Variants in LAT2 observed in about 807,000 individuals in gnomAD.
LAT2 encodes linker for activation of T cells family member 2, also known as linker for activation of T-cells family member 2.
A neutral mutation model predicts 43.4 loss-of-function variants in LAT2; 23 were observed. That is an observed-to-expected ratio of 0.53 (90% confidence interval 0.38 to 0.75). The LOEUF (loss-of-function observed/expected upper bound fraction) is 0.75. LAT2 is among the 30% of genes least tolerant of loss of function. The pLI, the probability that LAT2 is intolerant of heterozygous loss-of-function variation, is 0.00. For missense variants in LAT2, 284 were observed against 310.2 expected (o/e 0.92, Z 0.64); for synonymous variants, 128 against 123.2 (o/e 1.04, Z -0.26).
At chr7:74,224,811 C>A in intron 13 of LAT2, 51 bp downstream of exon 13, 1 of 1,312,030 alleles carries the variant, frequency 7.6e-7, no homozygotes, top group Non-Finnish European at 1.0e-6. Flanking sequence ...GAGGTCTTGC[C>A]AAGCTGCAGG....
Position 74,219,449 on chromosome 7 carries a change from C to T in LAT2, c.135-295C>T, listed in dbSNP as rs558274938. 1.1e-4 allele frequency among the ~76,000 whole-genome samples: 16 copies of T among 152,310 alleles called. No individual in the cohort carries two copies. The East Asian group carries it at 2.5e-3, about 24-fold the overall frequency. Reference sequence around the variant, plus strand: ...CCGTCTCCAGGGGCCTGGGACCCACCGGCAGGATGTGGCCCTGTTGAGGCC... The same window carrying T: ...CCGTCTCCAGGGGCCTGGGACCCACTGGCAGGATGTGGCCCTGTTGAGGCC... On this transcript the variant is annotated intron_variant, in intron 4 of 13. Coordinates refer to ENST00000460943, the MANE Select transcript of LAT2 (RefSeq NM_032464.3).
intron 13 of LAT2, 167 bp downstream of exon 13, chr7:74,224,927 CCT>C: frequency 1.8e-6 from 1 of 543,594 alleles, no homozygotes; most frequent in East Asian, 3.3e-5. Flanking sequence ...CGACTCTGTT[CCT>C]CTGTTCTGGC....
At position 74,220,826 on chromosome 7, in the gene LAT2, G is replaced by C; in HGVS notation, c.332+92G>C. 8.7e-6 allele frequency: 10 copies of C among 1,150,982 alleles called. No individual in the cohort carries two copies. The highest frequency in any genetic ancestry group is 3.4e-5 in the African/African-American group (2 of 59,478). 71.3% of individuals were successfully genotyped at this position (1,150,982 alleles called of 1,614,324 possible). A position where few individuals can be genotyped will look rare whatever the true frequency, so the allele number is the denominator to read the frequency against. ...ACCTCTCCCCCTGCCCCACCTGCCT[G>C]CCACAGCCCTGGGCTTCCTGGTCCA... On this transcript the variant is annotated intron_variant, in intron 9 of 13. Coordinates refer to ENST00000460943, the MANE Select transcript of LAT2 (RefSeq NM_032464.3). This position sits in a 1 kb window ranked among gnomAD's most constrained non-coding sequence, Gnocchi z 4.5.
intron 10 of LAT2, 23 bp from the exon 11 acceptor site, chr7:74,223,700 TG>T (rs782265074): frequency 1.2e-6 from 2 of 1,611,732 alleles, no homozygotes; most frequent in Admixed American, 1.7e-5. Context: ...CACACCCCCG[TG>T]CCCACTCCTC....
At chr7:74,212,279 A>T (rs1554713261) in intron 1 of LAT2, among the ~76,000 whole-genome samples, 1 of 150,932 alleles carries the variant, frequency 6.6e-6, no homozygotes, top group Non-Finnish European at 1.5e-5. Flanking sequence ...TTAATTTATT[A>T]TTATTATTAT....
At chr7:74,218,789 T>C (rs1554714566) in intron 4 of LAT2, among the ~76,000 whole-genome samples, 1 of 152,198 alleles carries the variant, frequency 6.6e-6, no homozygotes, top group African/African-American at 2.4e-5. Context: ...CTCTGCCTCC[T>C]GGCTTCAAGC....
chr7:74,213,922 C>A (rs1342430798), intron 1 of LAT2, among the ~76,000 whole-genome samples: 3 of 150,660 alleles, frequency 2.0e-5, no homozygotes, highest in East Asian at 3.9e-4. Flanking sequence ...TCAACTCTGT[C>A]CCCAGCCATC....
chr7:74,223,900 C>T (rs1320014598), intron 11 of LAT2, 117 bp downstream of exon 11: 7 of 1,473,926 alleles, frequency 4.7e-6, no homozygotes, highest in East Asian at 4.5e-5. Flanking sequence ...TGAAGGCTCT[C>T]GGATCCCCAG....
intron 1 of LAT2, among the ~76,000 whole-genome samples, chr7:74,214,141 AATAT>A (rs371105339): frequency 1.9e-5 from 1 of 52,192 alleles, no homozygotes; most frequent in Non-Finnish European, 3.4e-5. Context: ...TATATATGAA[AATAT>A]ATATAAATAT....
intron 1 of LAT2, among the ~76,000 whole-genome samples, chr7:74,212,834 G>A (rs1801775553): frequency 1.3e-5 from 2 of 152,210 alleles, no homozygotes; most frequent in Admixed American, 6.5e-5. Context: ...CTCCCGGGGT[G>A]ACGTGGGTCG....
chr7:74,211,974 T>C (rs1801750854), intron 1 of LAT2, among the ~76,000 whole-genome samples: 1 of 152,074 alleles, frequency 6.6e-6, no homozygotes, highest in South Asian at 2.1e-4. Flanking sequence ...GATGGGGTCT[T>C]GCTCTGTCAC....
In LAT2 at chr7:74,214,927, C is replaced by T. The variant is rs1380040284; in HGVS notation, c.-113C>T. 2 of 150,466 alleles carry T rather than the reference C, an allele frequency of 1.3e-5. No individual in the cohort carries two copies. Among genetic ancestry groups the T allele is most frequent in the African/African-American group, 2.4e-5 (1 of 40,836 alleles). The allele number at this position is 150,466 out of a possible 1,614,324, so 9.3% of individuals were successfully genotyped here. On this transcript the variant is annotated 5_prime_UTR_variant, in exon 2 of 14. Transcript: ENST00000460943. ...TGCTGGGATTATAGGCGTGAGCCAC[C>T]GCTCCTGGCCAGGGTCTGTTCCTAG...
Position 74,214,525 on chromosome 7 carries a change from AATATATATATGAATATATATAT to A in LAT2, c.-218-288_-218-267del, listed in dbSNP as rs1801921515. The stretch of plus-strand genomic sequence containing the variant: ...ATATATATATATGAAAATATATATA[AATATATATATGAATATATATAT>A]ATATATATGAAAATATATATATATG... On this transcript the variant is annotated intron_variant, in intron 1 of 13. Coordinates refer to ENST00000460943, the MANE Select transcript of LAT2 (RefSeq NM_032464.3). Among the ~76,000 whole-genome samples, 2 of 11,278 alleles carry A rather than the reference AATATATATATGAATATATATAT, an allele frequency of 1.8e-4. 1 individual carries two copies. The highest frequency in any genetic ancestry group is 1.0e-3 in the African/African-American group (2 of 1,962). 7.4% of individuals were successfully genotyped at this position (11,278 alleles called of 152,430 possible).
intron 1 of LAT2, among the ~76,000 whole-genome samples, chr7:74,210,991 C>T (rs979631902): frequency 3.9e-5 from 6 of 151,964 alleles, no homozygotes; most frequent in African/African-American, 7.3e-5. Context: ...GGGATTCAGA[C>T]ACTGTAGCTC....
chr7:74,212,717 G>A (rs1306376587), intron 1 of LAT2, among the ~76,000 whole-genome samples: 1 of 152,230 alleles, frequency 6.6e-6, no homozygotes, highest in East Asian at 1.9e-4. Context: ...GGGGTTGGGG[G>A]TACACCCCGG....
chr7:74,228,087 A>G (rs1334480798), intron 13 of LAT2, among the ~76,000 whole-genome samples: 1 of 146,750 alleles, frequency 6.8e-6, no homozygotes, highest in Non-Finnish European at 1.5e-5. Context: ...GAGGCACGAG[A>G]ATCACTTGAA....
chr7:74,217,367 G>A (rs1476975621), intron 4 of LAT2, among the ~76,000 whole-genome samples: 2 of 151,990 alleles, frequency 1.3e-5, no homozygotes, highest in African/African-American at 2.4e-5. Flanking sequence ...GGAGGTGGAG[G>A]TTGCAGAGAG....
intron 4 of LAT2, 103 bp from the exon 5 acceptor site, chr7:74,219,641 C>T (rs1417341318): frequency 1.4e-6 from 2 of 1,421,112 alleles, no homozygotes; most frequent in Admixed American, 3.3e-5. Context: ...CAGTCCGTCC[C>T]TCTGCTTTCC....
chr7:74,218,073 T>C lies in LAT2; in HGVS notation c.134+1209T>C, dbSNP rs564557105. Among the ~76,000 whole-genome samples the C allele has an allele frequency of 2.5e-3, 378 of 149,840 alleles. 1 individual carries two copies. Among genetic ancestry groups the C allele is most frequent in the South Asian group, 4.1e-3 (19 of 4,646 alleles). ...CAGGCCCTGCCCACCCCCAGCCCCC[T>C]GATTGATCTTAGAGCCATAGATGGT... On this transcript the variant is annotated intron_variant, in intron 4 of 13. Coordinates refer to ENST00000460943, the MANE Select transcript of LAT2 (RefSeq NM_032464.3).
Sources: allele counts gnomAD v4.1 joint callset (sites outside exome capture counted in the v4.1 genomes callset), GRCh38; gene constraint gnomAD v4.1.1; non-coding constraint Gnocchi (gnomAD v3.1); transcripts MANE v1.5; gene names NCBI Gene and HGNC (gene_info 2026-07-23, HGNC 2026-07-21).